Variants in OXSR1 observed in about 807,000 individuals in gnomAD.
The protein encoded by OXSR1 is oxidative stress responsive kinase 1, also known as serine/threonine-protein kinase OSR1.
OXSR1 carries 24 observed loss-of-function variants against 79.8 expected under a neutral mutation model. The observed-to-expected ratio is 0.30, with a 90% CI of 0.22 to 0.42. The LOEUF is 0.42. OXSR1 is among the 10% of genes least tolerant of loss of function. OXSR1 has a pLI of 1.00. For synonymous variants in OXSR1, 226 were observed against 209.2 expected, an observed-to-expected ratio of 1.08 and a Z score of -0.69; for missense variants, 430 against 618.4, an observed-to-expected ratio of 0.70 and a Z score of 3.23.
chr3:38,239,273 A>G (rs1575368046), intron 11 of OXSR1, among the ~76,000 whole-genome samples: 1 of 152,012 alleles, frequency 6.6e-6, no homozygotes, highest in South Asian at 2.1e-4. Context: ...CTTGAGGAGT[A>G]TTTTCCTGCC....
intron 8 of OXSR1, among the ~76,000 whole-genome samples, chr3:38,229,146 TGGGGAATATACTTTTA>T (rs1702754324): frequency 2.6e-5 from 4 of 152,198 alleles, no homozygotes; most frequent in Non-Finnish European, 5.9e-5. Context: ...TTGTTAAATT[TGGGGAATATACTTTTA>T]GAATTTTCAT....
intron 8 of OXSR1, among the ~76,000 whole-genome samples, chr3:38,225,880 T>C (rs780965678): frequency 6.6e-6 from 1 of 152,072 alleles, no homozygotes; most frequent in Non-Finnish European, 1.5e-5. Flanking sequence ...AGTGGGGAGT[T>C]TGAACTGAGA....
chr3:38,186,962 A>G (rs899615751), intron 2 of OXSR1, among the ~76,000 whole-genome samples: 2 of 152,194 alleles, frequency 1.3e-5, no homozygotes, highest in East Asian at 3.8e-4. Flanking sequence ...CTATATCCTC[A>G]CCAATACTTG....
chr3:38,239,598 G>A (rs1283415527), intron 11 of OXSR1, among the ~76,000 whole-genome samples: 3 of 152,158 alleles, frequency 2.0e-5, no homozygotes, highest in Non-Finnish European at 4.4e-5. Flanking sequence ...CCCTGTGTGA[G>A]TGCTATGCAC....
At chr3:38,175,072 T>C (rs954009503) in intron 1 of OXSR1, among the ~76,000 whole-genome samples, 8 of 152,240 alleles carry the variant, frequency 5.3e-5, no homozygotes, top group Admixed American at 1.3e-4. Context: ...TAAATTCTTA[T>C]GTTTTGTGTG....
At position 38,224,433 on chromosome 3, in the gene OXSR1, A is replaced by T. The variant is rs190019485; in HGVS notation, c.703-138A>T. 7.8e-6 allele frequency: 5 copies of T among 639,002 alleles called. No homozygotes were observed. In the East Asian group the frequency reaches 1.2e-4, roughly 16 times the overall value. The allele number at this position is 639,002 out of a possible 1,614,324, so 39.6% of individuals were successfully genotyped here. A position where few individuals can be genotyped will look rare whatever the true frequency, so the allele number is the denominator to read the frequency against. On this transcript the variant is annotated intron_variant, in intron 7 of 17. Transcript: ENST00000311806. ...ACGTAATAACTCTGGGTTTTAAACA[A>T]CTGATTCAGATATGAACTTACAGAA...
intron 11 of OXSR1, among the ~76,000 whole-genome samples, 188 bp downstream of exon 11, chr3:38,237,149 G>A (rs1376306189): frequency 6.6e-6 from 1 of 151,902 alleles, no homozygotes; most frequent in Non-Finnish European, 1.5e-5. Context: ...AATATTTAGA[G>A]TATATAAAAA....
At chr3:38,233,505 A>T (rs924799512) in intron 10 of OXSR1, among the ~76,000 whole-genome samples, 1 of 152,182 alleles carries the variant, frequency 6.6e-6, no homozygotes, top group African/African-American at 2.4e-5. Context: ...ACCTCAGGGA[A>T]ACCTCTTAAT....
chr3:38,174,758 G>A (rs1234125399), intron 1 of OXSR1, among the ~76,000 whole-genome samples: 6 of 152,182 alleles, frequency 3.9e-5, no homozygotes, highest in Non-Finnish European at 7.3e-5. Flanking sequence ...GATTAGATGT[G>A]AGAGAAAGGG....
intron 8 of OXSR1, among the ~76,000 whole-genome samples, chr3:38,225,620 T>G (rs1042037625): frequency 1.3e-5 from 2 of 152,190 alleles, no homozygotes; most frequent in Non-Finnish European, 2.9e-5. Flanking sequence ...GAAACACTTT[T>G]CTTTTATCAA....
At position 38,253,970 on chromosome 3, in the gene OXSR1, G is replaced by A; in HGVS notation, c.*1079G>A. The A allele has an allele frequency of 2.6e-6, 1 of 379,808 alleles. No individual in the cohort carries two copies. The highest frequency in any genetic ancestry group is 4.7e-6 in the Non-Finnish European group (1 of 214,684). The allele number at this position is 379,808 out of a possible 1,614,324, so 23.5% of individuals were successfully genotyped here. ...GTGCCGTGACCTTTAGGTTTTATGAGTAGACAGTGTTCATTTGATTTTCTA... is the reference window on the plus strand; with the variant it reads ...GTGCCGTGACCTTTAGGTTTTATGAATAGACAGTGTTCATTTGATTTTCTA... On this transcript the variant is annotated 3_prime_UTR_variant, in exon 18 of 18. Transcript: ENST00000311806.
intron 4 of OXSR1, among the ~76,000 whole-genome samples, chr3:38,204,227 C>T (rs1429857164): frequency 6.6e-6 from 1 of 152,144 alleles, no homozygotes; most frequent in Non-Finnish European, 1.5e-5. Flanking sequence ...ACTCTCCCTT[C>T]AGGGCAGCTG....
intron 16 of OXSR1, 47 bp downstream of exon 16, chr3:38,251,518 A>G: frequency 3.5e-6 from 5 of 1,428,818 alleles, no homozygotes; most frequent in Non-Finnish European, 4.9e-6. Flanking sequence ...CTCTGTCTGT[A>G]TACTTAGTAC....
chr3:38,250,061 G>A, intron 15 of OXSR1, 43 bp downstream of exon 15: 1 of 1,218,756 alleles, frequency 8.2e-7, no homozygotes, highest in Non-Finnish European at 1.2e-6. Flanking sequence ...CTTCCAATTT[G>A]TGATTCAATG....
rs34460855 is a variant in OXSR1, at chr3:38,242,864, T to C, written c.1110+86T>C. 2,408 of 779,980 alleles carry C rather than the reference T, an allele frequency of 3.1e-3. 35 individuals are homozygous for C. The African/African-American group carries it at 0.037, about 12-fold the overall frequency. 48.3% of individuals were successfully genotyped at this position (779,980 alleles called of 1,614,324 possible). ...TTCGAAGTGCTTTTGTTTGTGCATA[T>C]GTATGCTTAAATGGGAATGCAACTT... On this transcript the variant is annotated intron_variant, in intron 12 of 17. Coordinates refer to ENST00000311806, the MANE Select transcript of OXSR1 (RefSeq NM_005109.3).
At chr3:38,215,071 C>T (rs1019205744) in intron 4 of OXSR1, among the ~76,000 whole-genome samples, 2 of 152,114 alleles carry the variant, frequency 1.3e-5, no homozygotes, top group Non-Finnish European at 2.9e-5. Flanking sequence ...GACACTGTTC[C>T]CTAGACTTCA....
At chr3:38,195,683 G>A (rs1374277694) in intron 3 of OXSR1, among the ~76,000 whole-genome samples, 1 of 152,162 alleles carries the variant, frequency 6.6e-6, no homozygotes, top group Non-Finnish European at 1.5e-5. Context: ...TACTTTGATT[G>A]AGTTATAATT....
At position 38,254,612 on chromosome 3, in the gene OXSR1, G is replaced by T. The variant is rs748830548; in HGVS notation, c.*1721G>T. 3.1e-5 allele frequency: 6 copies of T among 192,912 alleles called. No individual in the cohort carries two copies. The highest frequency in any genetic ancestry group is 6.3e-5 in the Non-Finnish European group (6 of 94,998). The allele number at this position is 192,912 out of a possible 1,614,324, so 12.0% of individuals were successfully genotyped here. On this transcript the variant is annotated 3_prime_UTR_variant, in exon 18 of 18. Coordinates refer to ENST00000311806, the MANE Select transcript of OXSR1 (RefSeq NM_005109.3). ...CTTTTCTTTTTCTTTTTTTGTGGAG[G>T]GGGGACGGAGAGGAACAAGGATGGG...
At chr3:38,243,933 A>G (rs986931862) in intron 12 of OXSR1, among the ~76,000 whole-genome samples, 1 of 152,092 alleles carries the variant, frequency 6.6e-6, no homozygotes, top group Non-Finnish European at 1.5e-5. Context: ...AGTGAGAACC[A>G]CTCATGATTC....
Sources: allele counts gnomAD v4.1 joint callset (sites outside exome capture counted in the v4.1 genomes callset), GRCh38; gene constraint gnomAD v4.1.1; transcripts MANE v1.5; gene names NCBI Gene and HGNC (gene_info 2026-07-23, HGNC 2026-07-21).